Variants in PGR observed in about 807,000 individuals in gnomAD.
PGR encodes the protein nuclear receptor subfamily 3 group C member 3.
A neutral mutation model predicts 76.1 loss-of-function variants in PGR; 25 were observed. The ratio of observed to expected loss-of-function variants is 0.33; its 90% confidence interval spans 0.24 to 0.46. PGR has a LOEUF of 0.46. PGR is among the 20% of genes least tolerant of loss of function. PGR has a pLI of 1.00. For synonymous variants in PGR, 579 were observed against 535.0 expected, an observed-to-expected ratio of 1.08 and a Z score of -1.14; for missense variants, 1,172 against 1,225.3, an observed-to-expected ratio of 0.96 and a Z score of 0.65.
intron 2 of PGR, among the ~76,000 whole-genome samples, chr11:101,108,979 A>T (rs757673740): frequency 2.6e-5 from 4 of 152,162 alleles, no homozygotes; most frequent in Non-Finnish European, 5.9e-5. Flanking sequence ...CTTTTTCATT[A>T]TCATCTCTGC....
intron 3 of PGR, among the ~76,000 whole-genome samples, chr11:101,067,921 A>G (rs571443106): frequency 6.6e-6 from 1 of 152,292 alleles, no homozygotes; most frequent in East Asian, 1.9e-4. Context: ...AAATACATAG[A>G]TATTAAAAAA....
intron 2 of PGR, among the ~76,000 whole-genome samples, chr11:101,097,412 C>A (rs1861867455): frequency 6.6e-6 from 1 of 152,194 alleles, no homozygotes; most frequent in African/African-American, 2.4e-5. Flanking sequence ...GTACCAACTG[C>A]ACATTCAATG....
At chr11:101,066,091 T>C (rs1311521170) in intron 3 of PGR, among the ~76,000 whole-genome samples, 2 of 152,182 alleles carry the variant, frequency 1.3e-5, no homozygotes, top group Non-Finnish European at 2.9e-5. Context: ...CTGCATCCTC[T>C]AATAGTCCCT....
At chr11:101,098,229 A>G (rs1344920323) in intron 2 of PGR, among the ~76,000 whole-genome samples, 1 of 152,198 alleles carries the variant, frequency 6.6e-6, no homozygotes, top group Non-Finnish European at 1.5e-5. Context: ...GAAATAAAAT[A>G]TCTTTATTAG....
chr11:101,039,080 C>T lies in PGR; in HGVS notation c.*36G>A, dbSNP rs1859608027. On this transcript the variant is annotated 3_prime_UTR_variant, in exon 8 of 8. Coordinates refer to ENST00000325455, the MANE Select transcript of PGR (RefSeq NM_000926.4). ...TCCTGACCAAAACAAAAAGACATAC[C>T]ACAAAATTTAATTCTTTAAAAGAAA... The T allele has an allele frequency of 2.5e-6, 4 of 1,571,146 alleles. No individual in the cohort carries two copies. The East Asian group carries it at 9.0e-5, about 35-fold the overall frequency.
chr11:101,063,057 A>G (rs1215282908), intron 3 of PGR: 3 of 267,264 alleles, frequency 1.1e-5, no homozygotes, highest in Non-Finnish European at 2.1e-5. Flanking sequence ...GCTTTTTAGG[A>G]GAAGATATGA....
rs1862981917 is a variant in PGR at position 101,128,669 on chromosome 11, G to T, written c.402C>A (p.Cys134Ter). ...PGQSQPSPPA[C>*]EVTSSWCLFG... ...ACAGGCACCAAGAGCTGGTGACCTC[G>T]CAGGCGGGAGGGCTGGGTTGGCTCT... is the stretch of plus-strand genomic sequence containing the variant. The change falls in exon 1 of 8, where the codon TGC becomes TGA. Residue 134 changes from cysteine (C) to a stop codon, truncating the protein, a stop_gained. Coordinates refer to ENST00000325455, the MANE Select transcript of PGR (RefSeq NM_000926.4). LOFTEE classifies it high-confidence loss of function. The T allele has an allele frequency of 3.8e-6, 6 of 1,596,770 alleles. No individual in the cohort carries two copies. Among genetic ancestry groups the T allele is most frequent in the Non-Finnish European group, 5.1e-6 (6 of 1,172,676 alleles).
intron 2 of PGR, among the ~76,000 whole-genome samples, chr11:101,123,336 C>G (rs1862736143): frequency 6.6e-6 from 1 of 152,136 alleles, no homozygotes; most frequent in South Asian, 2.1e-4. Context: ...AAACTTCTGG[C>G]CATATTGGCA....
chr11:101,039,123 T>C lies in PGR; in HGVS notation c.2795A>G (p.Lys932Arg). The C allele has an allele frequency of 6.2e-7, 1 of 1,610,628 alleles. No individual in the cohort carries two copies. The highest frequency in any genetic ancestry group is 8.5e-7 in the Non-Finnish European group (1 of 1,177,382). ...AAAAGAAAAAGATGACATTCACTTTTTATGAAAGAGAAGGGGTTTCACCAT... is the reference window on the plus strand; with the variant it reads ...AAAAGAAAAAGATGACATTCACTTTCTATGAAAGAGAAGGGGTTTCACCAT... Reference protein sequence around the residue: ...AGMVKPLLFHKK With the variant: ...AGMVKPLLFHRK Residue 932 changes from lysine to arginine, a missense_variant, in exon 8 of 8, where the codon AAA becomes AGA. Physicochemically the swap from Lys to Arg is conservative, Grantham distance 26. This residue lies in a region of PGR where 166 missense variants were observed against 296.0 expected (regional missense o/e 0.56). Transcript: ENST00000325455.
intron 3 of PGR, among the ~76,000 whole-genome samples, chr11:101,091,023 T>C (rs1367884795): frequency 6.6e-6 from 1 of 152,186 alleles, no homozygotes; most frequent in Non-Finnish European, 1.5e-5. Context: ...AAAAGTTATA[T>C]CTAGATGTAA....
intron 4 of PGR, among the ~76,000 whole-genome samples, chr11:101,055,573 A>T (rs1425722513): frequency 1.3e-5 from 2 of 152,118 alleles, no homozygotes; most frequent in African/African-American, 2.4e-5. Flanking sequence ...TTCTAAAAAA[A>T]GTATTTTATA....
At chr11:101,106,828 A>G (rs1228589290) in intron 2 of PGR, among the ~76,000 whole-genome samples, 1 of 152,236 alleles carries the variant, frequency 6.6e-6, no homozygotes, top group Non-Finnish European at 1.5e-5. Flanking sequence ...ATGTCCATCA[A>G]TGACAGACTG....
chr11:101,098,259 C>A (rs1011105310), intron 2 of PGR, among the ~76,000 whole-genome samples: 1 of 151,896 alleles, frequency 6.6e-6, no homozygotes, highest in Non-Finnish European at 1.5e-5. Flanking sequence ...AGGGACTTAC[C>A]TGTAAAATAA....
intron 2 of PGR, among the ~76,000 whole-genome samples, chr11:101,100,168 T>A (rs1247188373): frequency 6.6e-6 from 1 of 152,180 alleles, no homozygotes; most frequent in Admixed American, 6.5e-5. Flanking sequence ...GGGAGGTAAT[T>A]GAATCATGGG....
At chr11:101,094,956 G>A (rs899881355) in intron 2 of PGR, among the ~76,000 whole-genome samples, 6 of 152,074 alleles carry the variant, frequency 3.9e-5, no homozygotes, top group Admixed American at 6.6e-5. Context: ...AGCAAGGGGC[G>A]CCATCTTGGA....
chr11:101,121,719 C>T (rs1340153437), intron 2 of PGR, among the ~76,000 whole-genome samples: 1 of 152,212 alleles, frequency 6.6e-6, no homozygotes, highest in Non-Finnish European at 1.5e-5. Context: ...CACCACCACA[C>T]TATAAACTTT....
chr11:101,052,068 G>A (rs752838766), intron 4 of PGR, among the ~76,000 whole-genome samples: 15 of 152,104 alleles, frequency 9.9e-5, no homozygotes, highest in Non-Finnish European at 1.6e-4. Context: ...TAATCAGTTC[G>A]TTAAATCTCA....
chr11:101,128,665 C>T lies in PGR; in HGVS notation c.406G>A (p.Val136Ile), dbSNP rs1444912730. Reference sequence around the variant, plus strand: ...CCAAACAGGCACCAAGAGCTGGTGACCTCGCAGGCGGGAGGGCTGGGTTGG... The same window carrying T: ...CCAAACAGGCACCAAGAGCTGGTGATCTCGCAGGCGGGAGGGCTGGGTTGG... ...QSQPSPPACE[V>I]TSSWCLFGPE... The change falls in exon 1 of 8, where the codon GTC becomes ATC. Residue 136 changes from valine to isoleucine, a missense_variant. Physicochemically the swap from Val to Ile is conservative, Grantham distance 29. Transcript: ENST00000325455. 2 of 1,596,118 alleles carry T rather than the reference C, an allele frequency of 1.3e-6. No individual in the cohort carries two copies. The highest frequency in any genetic ancestry group is 1.7e-6 in the Non-Finnish European group (2 of 1,172,378).
At position 101,127,630 on chromosome 11, in the gene PGR, T is replaced by C; in HGVS notation, c.1441A>G (p.Lys481Glu). Reference protein sequence around the residue: ...QQGPFAPPPCKAPGASGCLLP... With the variant: ...QQGPFAPPPCEAPGASGCLLP... ...AGGCAGCCGCTCGCGCCCGGCGCCTTGCAGGGCGGCGGCGCGAACGGGCCC... is the reference window on the plus strand; with the variant it reads ...AGGCAGCCGCTCGCGCCCGGCGCCTCGCAGGGCGGCGGCGCGAACGGGCCC... The change falls in exon 1 of 8, where the codon AAG becomes GAG. Residue 481 changes from lysine (K) to glutamate (E), a missense_variant. By Grantham distance (56) the Lys-to-Glu change is moderately conservative (BLOSUM62 1). Coordinates refer to ENST00000325455, the MANE Select transcript of PGR (RefSeq NM_000926.4). 7.3e-7 allele frequency: 1 copy of C among 1,361,318 alleles called. No homozygotes were observed. Among genetic ancestry groups the C allele is most frequent in the Non-Finnish European group, 9.4e-7 (1 of 1,064,528 alleles). 84.3% of individuals were successfully genotyped at this position (1,361,318 alleles called of 1,614,324 possible). A position where few individuals can be genotyped will look rare whatever the true frequency, so the allele number is the denominator to read the frequency against.
Sources: allele counts gnomAD v4.1 joint callset (sites outside exome capture counted in the v4.1 genomes callset), GRCh38; gene constraint gnomAD v4.1.1; regional missense constraint gnomAD v4.1.1; transcripts MANE v1.5; gene names NCBI Gene and HGNC (gene_info 2026-07-23, HGNC 2026-07-21).